Variants in FBXO47 observed in about 807,000 individuals in gnomAD.
The protein encoded by FBXO47 is F-box protein 47.
Under a neutral mutation model 53.9 loss-of-function variants are expected in FBXO47, and 34 were observed. That is an observed-to-expected ratio of 0.63 (90% CI 0.48 to 0.84). The LOEUF (loss-of-function observed/expected upper bound fraction) is 0.84. FBXO47 is among the 40% of genes least tolerant of loss of function. The pLI is 0.00. For synonymous variants in FBXO47, 165 were observed against 181.6 expected (o/e 0.91, Z 0.73); for missense variants, 485 against 541.3 (o/e 0.90, Z 1.03).
intron 7 of FBXO47, among the ~76,000 whole-genome samples, chr17:38,943,944 C>A (rs981184300): frequency 1.3e-5 from 2 of 152,158 alleles, no homozygotes; most frequent in Non-Finnish European, 2.9e-5. Flanking sequence ...GTAATCCCAG[C>A]ACTTTAGGAG....
At chr17:38,944,296 T>G (rs1202721896) in intron 7 of FBXO47, among the ~76,000 whole-genome samples, 1 of 149,682 alleles carries the variant, frequency 6.7e-6, no homozygotes, top group Non-Finnish European at 1.5e-5. Flanking sequence ...GAGGCCAAGG[T>G]GGGAGGATCA....
At chr17:38,957,068 T>G in intron 4 of FBXO47, 109 bp downstream of exon 4, 1 of 647,220 alleles carries the variant, frequency 1.5e-6, no homozygotes, top group South Asian at 2.3e-5. Flanking sequence ...AATTTTTTAG[T>G]GCTAATTCAT....
chr17:38,952,028 A>G (rs561568231), intron 5 of FBXO47, among the ~76,000 whole-genome samples: 1 of 152,168 alleles, frequency 6.6e-6, no homozygotes, highest in African/African-American at 2.4e-5. Context: ...GCTCTGTCAC[A>G]AAAAACAAAC....
At chr17:38,955,913 G>A (rs1270398664) in intron 4 of FBXO47, among the ~76,000 whole-genome samples, 1 of 144,338 alleles carries the variant, frequency 6.9e-6, no homozygotes, top group Non-Finnish European at 1.5e-5. Flanking sequence ...AGCTGAGATC[G>A]TGCCACTGCA....
In FBXO47 at chr17:38,947,917, A is replaced by C. The variant is rs145617487; in HGVS notation, c.617-2781T>G. On this transcript the variant is annotated intron_variant, in intron 6 of 10. Transcript: ENST00000378079. Reference sequence around the variant, plus strand: ...CAGAGCCAGAATCTGTCTCCAAAAAAAGGAAAAATAAAAAATTAGATTAAC... The same window carrying C: ...CAGAGCCAGAATCTGTCTCCAAAAACAGGAAAAATAAAAAATTAGATTAAC... Among the ~76,000 whole-genome samples the C allele has an allele frequency of 2.0e-5, 3 of 152,274 alleles. No homozygotes were observed. The East Asian group carries it at 5.8e-4, about 29-fold the overall frequency.
intron 5 of FBXO47, 29 bp downstream of exon 5, chr17:38,954,827 C>T: frequency 7.1e-7 from 1 of 1,405,588 alleles, no homozygotes; most frequent in Non-Finnish European, 1.0e-6. Flanking sequence ...AAAGGTATCC[C>T]TTTTCTTCTC....
chr17:38,954,392 C>T (rs559576641), intron 5 of FBXO47, among the ~76,000 whole-genome samples: 42 of 152,128 alleles, frequency 2.8e-4, no homozygotes, highest in African/African-American at 8.9e-4. Flanking sequence ...GATGAATAAA[C>T]GCTAGTTATT....
Position 38,938,605 on chromosome 17 carries a change from A to C in FBXO47, c.1211T>G (p.Val404Gly). The change falls in exon 10 of 11, where the codon GTT becomes GGT. Residue 404 changes from valine to glycine, a missense_variant. Coordinates refer to ENST00000378079, the MANE Select transcript of FBXO47 (RefSeq NM_001008777.3). ...LQNVANAFAC[V>G]IMEMLQSIMS... is the part of the protein sequence containing the mutation. ...AATTGATTGCAGCATTTCCATTATA[A>C]CACATGCAAATGCATTTGCCACATT... The C allele has an allele frequency of 6.2e-7, 1 of 1,613,262 alleles. No individual in the cohort carries two copies. Among genetic ancestry groups the C allele is most frequent in the Non-Finnish European group, 8.5e-7 (1 of 1,179,542 alleles).
At chr17:38,939,612 A>T (rs887372678) in intron 9 of FBXO47, among the ~76,000 whole-genome samples, 5 of 148,314 alleles carry the variant, frequency 3.4e-5, no homozygotes, top group Non-Finnish European at 7.4e-5. Flanking sequence ...TTTAAAGATT[A>T]CATGTTCCTA....
chr17:38,949,948 C>T (rs775745217), intron 6 of FBXO47, among the ~76,000 whole-genome samples: 2 of 152,076 alleles, frequency 1.3e-5, no homozygotes, highest in African/African-American at 2.4e-5. Context: ...ATATGCCATA[C>T]AATTCAACCA....
Position 38,938,430 on chromosome 17 carries a change from GT to G in FBXO47, c.1243+142del. 3 of 579,286 alleles carry G rather than the reference GT, an allele frequency of 5.2e-6. No homozygotes were observed. The South Asian group carries it at 1.1e-4, about 21-fold the overall frequency. The allele number at this position is 579,286 out of a possible 1,614,324, so 35.9% of individuals were successfully genotyped here. On this transcript the variant is annotated intron_variant, in intron 10 of 10. Transcript: ENST00000378079. Reference sequence around the variant, plus strand: ...AGTCCGCTTCCTCTACTTATTGTTAGTTTTTATTTTTTAAAGTCAACATAGA... The same window carrying G: ...AGTCCGCTTCCTCTACTTATTGTTAGTTTTATTTTTTAAAGTCAACATAGA...
intron 9 of FBXO47, among the ~76,000 whole-genome samples, chr17:38,941,629 T>C (rs1283642556): frequency 2.1e-5 from 3 of 144,304 alleles, no homozygotes; most frequent in Non-Finnish European, 4.5e-5. Context: ...ATTATATATA[T>C]ATATATATAT....
intron 1 of FBXO47, among the ~76,000 whole-genome samples, chr17:38,963,375 C>T (rs1430859298): frequency 1.3e-5 from 2 of 152,026 alleles, no homozygotes; most frequent in Non-Finnish European, 2.9e-5. Context: ...CGGGGTTTTG[C>T]CATGTTGGCC....
chr17:38,943,820 A>C, intron 7 of FBXO47, 84 bp from the exon 8 acceptor site: 1 of 1,143,564 alleles, frequency 8.7e-7, no homozygotes, highest in Non-Finnish European at 1.3e-6. Flanking sequence ...GAATTGCACA[A>C]TGGAATCCCA....
chr17:38,952,815 C>CTTTTTTTTT (rs139105548), intron 5 of FBXO47, among the ~76,000 whole-genome samples: 19 of 115,354 alleles, frequency 1.6e-4, no homozygotes, highest in African/African-American at 5.4e-4. Flanking sequence ...TTATTTATGA[C>CTTTTTTTTT]TTTTTTTTTT....
intron 6 of FBXO47, among the ~76,000 whole-genome samples, chr17:38,950,208 A>C (rs1416198146): frequency 1.3e-5 from 2 of 151,712 alleles, no homozygotes; most frequent in Non-Finnish European, 2.9e-5. Context: ...GGTAACCTCA[A>C]ATCTACTTTC....
Position 38,936,942 on chromosome 17 carries a change from C to A in FBXO47, c.*233G>T. On this transcript the variant is annotated 3_prime_UTR_variant, in exon 11 of 11. Transcript: ENST00000378079. ...GTTTGGTGTTAGGTTGACTAAAACC[C>A]GGAGAGGCAGAGCTTGTTTTCCAGA... 2.9e-6 allele frequency: 1 copy of A among 343,566 alleles called. No individual in the cohort carries two copies. Among genetic ancestry groups the A allele is most frequent in the Non-Finnish European group, 5.2e-6 (1 of 192,464 alleles). 21.3% of individuals were successfully genotyped at this position (343,566 alleles called of 1,614,324 possible).
rs1283304480 is a variant in FBXO47 at position 38,936,723 on chromosome 17, C to T, written c.*452G>A. 6.6e-6 allele frequency: 1 copy of T among 152,518 alleles called. No individual in the cohort carries two copies. The highest frequency in any genetic ancestry group is 6.5e-5 in the Admixed American group (1 of 15,286). The allele number at this position is 152,518 out of a possible 1,614,324, so 9.4% of individuals were successfully genotyped here. A position where few individuals can be genotyped will look rare whatever the true frequency, so the allele number is the denominator to read the frequency against. On this transcript the variant is annotated 3_prime_UTR_variant, in exon 11 of 11. Transcript: ENST00000378079. ...AGTAAAAACTGTGATTTGTATTCTA[C>T]ACATTCCAAAACACCATATTGCAAA...
At chr17:38,950,763 C>T (rs187831116) in intron 6 of FBXO47, among the ~76,000 whole-genome samples, 104 of 152,186 alleles carry the variant, frequency 6.8e-4, no homozygotes, top group Admixed American at 3.1e-3. Flanking sequence ...TACCAGCTGG[C>T]TTAAGGAATA....
Sources: gnomAD v4.1 joint callset for allele counts (sites outside exome capture counted in the v4.1 genomes callset) on GRCh38, gnomAD v4.1.1 for gene constraint, MANE v1.5 for transcripts, NCBI Gene and HGNC (gene_info 2026-07-23, HGNC 2026-07-21) for gene names.